MCTP1: variants seen among roughly 807,000 people sequenced by gnomAD.
MCTP1 encodes the protein multiple C2 and transmembrane domain containing 1, also known as multiple C2 and transmembrane domain-containing protein 1.
In MCTP1, 69 loss-of-function variants were observed where a neutral mutation model predicts 120.6. The ratio of observed to expected loss-of-function variants is 0.57; its 90% CI spans 0.47 to 0.70. The LOEUF (loss-of-function observed/expected upper bound fraction) is 0.70. Among genes scored for constraint, MCTP1 ranks in the 30% least tolerant of loss-of-function variants. MCTP1 has a pLI of 0.00. For missense variants in MCTP1, 1,203 were observed against 1,248.8 expected (o/e 0.96, Z 0.55); for synonymous variants, 529 against 493.1 (o/e 1.07, Z -0.96).
At chr5:94,872,715 AAAG>A (rs1181471754) in intron 13 of MCTP1, among the ~76,000 whole-genome samples, 1 of 152,124 alleles carries the variant, frequency 6.6e-6, no homozygotes. Flanking sequence ...GCTAAAATGA[AAAG>A]AACCAAAACT....
chr5:95,196,349 T>C (rs1385797334), intron 1 of MCTP1, among the ~76,000 whole-genome samples: 1 of 152,186 alleles, frequency 6.6e-6, no homozygotes, highest in Non-Finnish European at 1.5e-5. Context: ...TTAAGGTAGG[T>C]GGTCCCAATT....
rs766687641 is a variant in MCTP1, at chr5:95,284,372, C to T, written c.204G>A (p.Pro68=). Residue 68 remains proline, a synonymous_variant, in exon 1 of 23, where the codon CCG becomes CCA. Coordinates refer to ENST00000515393, the MANE Select transcript of MCTP1 (RefSeq NM_024717.7). This position sits in a 1 kb window ranked among gnomAD's most constrained non-coding sequence, Gnocchi z 5.2. ...PPPPVGTGNA[P]ARGSGAGSRW... is the part of the protein sequence containing the mutation. Reference sequence around the variant, plus strand: ...TGCTGCCTGCACCACTCCCCCTGGCCGGTGCATTCCCTGTGCCCACCGGGG... The same window carrying T: ...TGCTGCCTGCACCACTCCCCCTGGCTGGTGCATTCCCTGTGCCCACCGGGG... 1 of 1,595,704 alleles carries T rather than the reference C, an allele frequency of 6.3e-7. No homozygotes were observed. The highest frequency in any genetic ancestry group is 2.2e-5 in the East Asian group (1 of 44,702).
At chr5:94,867,528 A>C in intron 17 of MCTP1, 2 of 530,826 alleles carry the variant, frequency 3.8e-6, no homozygotes, top group South Asian at 5.7e-5. Context: ...ACTGGCAACT[A>C]TAAGGAAGCA....
At chr5:94,800,108 T>C (rs1245890558) in intron 17 of MCTP1, among the ~76,000 whole-genome samples, 1 of 152,104 alleles carries the variant, frequency 6.6e-6, no homozygotes, top group East Asian at 1.9e-4. Context: ...CCCAGTAAAA[T>C]GGGGACGATA....
At chr5:95,158,883 T>C (rs1745416182) in intron 1 of MCTP1, among the ~76,000 whole-genome samples, 1 of 152,134 alleles carries the variant, frequency 6.6e-6, no homozygotes, top group African/African-American at 2.4e-5. Context: ...ATCACACCAC[T>C]GCACTCCAGC....
At chr5:95,175,319 C>T (rs1432615613) in intron 1 of MCTP1, among the ~76,000 whole-genome samples, 1 of 152,182 alleles carries the variant, frequency 6.6e-6, no homozygotes, top group African/African-American at 2.4e-5. Context: ...GAACACTCAA[C>T]TGCCCTTTAG....
At chr5:95,167,233 T>C (rs1451178135) in intron 1 of MCTP1, among the ~76,000 whole-genome samples, 1 of 152,234 alleles carries the variant, frequency 6.6e-6, no homozygotes, top group African/African-American at 2.4e-5. Context: ...ACAAAGGACG[T>C]GAGCTCATCA....
At position 95,216,462 on chromosome 5, in the gene MCTP1, T is replaced by A. The variant is rs2152579238; in HGVS notation, c.720+67394A>T. ...TCCACAGCTACCCGTAGCAAGAATA[T>A]TCTCTTGGCATTTATTCCTCTACAC... On this transcript the variant is annotated intron_variant, in intron 1 of 22. Coordinates refer to ENST00000515393, the MANE Select transcript of MCTP1 (RefSeq NM_024717.7). 1.3e-5 allele frequency among the ~76,000 whole-genome samples: 2 copies of A among 152,302 alleles called. 1 individual carries two copies. Among genetic ancestry groups the A allele is most frequent in the South Asian group, 4.1e-4 (2 of 4,820 alleles).
chr5:95,226,829 A>T (rs531110560), intron 1 of MCTP1, among the ~76,000 whole-genome samples: 3 of 152,246 alleles, frequency 2.0e-5, no homozygotes, highest in South Asian at 2.1e-4. Flanking sequence ...AAAAAAAAAA[A>T]TTTATTTGAG....
chr5:94,859,282 A>T (rs560811269), intron 17 of MCTP1, among the ~76,000 whole-genome samples: 14 of 151,780 alleles, frequency 9.2e-5, no homozygotes, highest in East Asian at 1.9e-4. Context: ...AACTCTATTT[A>T]AAAAAATTTA....
At chr5:95,018,458 TA>T (rs1837550611) in intron 1 of MCTP1, among the ~76,000 whole-genome samples, 1 of 152,046 alleles carries the variant, frequency 6.6e-6, no homozygotes, top group East Asian at 1.9e-4. Flanking sequence ...AAACAATCTT[TA>T]CGGTATATAA....
chr5:95,159,387 T>C (rs1462451109), intron 1 of MCTP1, among the ~76,000 whole-genome samples: 1 of 152,222 alleles, frequency 6.6e-6, no homozygotes, highest in Admixed American at 6.5e-5. Flanking sequence ...CATCCAAACA[T>C]TACACACTTT....
At chr5:95,001,736 A>T (rs575196784) in intron 2 of MCTP1, among the ~76,000 whole-genome samples, 1 of 152,330 alleles carries the variant, frequency 6.6e-6, no homozygotes, top group East Asian at 1.9e-4. Context: ...CAGAGCATAA[A>T]AGTTTGGAAA....
intron 1 of MCTP1, among the ~76,000 whole-genome samples, chr5:95,184,145 T>A (rs1489596578): frequency 6.6e-6 from 1 of 152,012 alleles, no homozygotes; most frequent in East Asian, 1.9e-4. Context: ...ATCCCAGATC[T>A]TAAAGTATAA....
At position 95,284,158 on chromosome 5, in the gene MCTP1, A is replaced by G. The variant is rs1429943919; in HGVS notation, c.418T>C (p.Ser140Pro). The change falls in exon 1 of 23, where the codon TCG becomes CCG. Residue 140 changes from serine (S) to proline (P), a missense_variant. Around this residue, in one of 2 missense-constraint regions of MCTP1, gnomAD observed 463 missense variants for 377.8 expected, o/e 1.23. Transcript: ENST00000515393. The surrounding 1 kb of genome is among the most constrained non-coding windows in gnomAD (Gnocchi z 5.2). Reference sequence around the variant, plus strand: ...GGAGGCGTCCCTCCCGCTGCTCCCGAGGCCGCCGCGGGCCCCTTTACGGCG... The same window carrying G: ...GGAGGCGTCCCTCCCGCTGCTCCCGGGGCCGCCGCGGGCCCCTTTACGGCG... Reference protein sequence around the residue: ...LPAVKGPAAASGAAGGTPPGG... With the variant: ...LPAVKGPAAAPGAAGGTPPGG... 2 of 1,565,290 alleles carry G rather than the reference A, an allele frequency of 1.3e-6. No homozygotes were observed. Among genetic ancestry groups the G allele is most frequent in the Admixed American group, 1.9e-5 (1 of 53,560 alleles).
intron 19 of MCTP1, among the ~76,000 whole-genome samples, chr5:94,759,942 G>C (rs1452433095): frequency 7.2e-6 from 1 of 139,094 alleles, no homozygotes; most frequent in Non-Finnish European, 1.5e-5. Flanking sequence ...GACAGAGCTG[G>C]AATACTTAGC....
chr5:95,001,578 C>T (rs906492978), intron 2 of MCTP1, among the ~76,000 whole-genome samples: 4 of 152,166 alleles, frequency 2.6e-5, no homozygotes, highest in African/African-American at 9.7e-5. Flanking sequence ...TGGGAACCAG[C>T]ATAAAGGTGA....
Position 94,870,806 on chromosome 5 carries a change from C to G in MCTP1, c.2241+66G>C, listed in dbSNP as rs1245786744. ...GGAATGACAGAAATTCTCTACAAAT[C>G]AGGAACAAAAGCTTTCATGAAACTG... is the stretch of plus-strand genomic sequence containing the variant. On this transcript the variant is annotated intron_variant, in intron 15 of 22. Coordinates refer to ENST00000515393, the MANE Select transcript of MCTP1 (RefSeq NM_024717.7). 3.6e-6 allele frequency: 4 copies of G among 1,113,330 alleles called. No homozygotes were observed. The African/African-American group carries it at 6.2e-5, about 17-fold the overall frequency. The allele number at this position is 1,113,330 out of a possible 1,614,324, so 69.0% of individuals were successfully genotyped here. A position where few individuals can be genotyped will look rare whatever the true frequency, so the allele number is the denominator to read the frequency against.
At chr5:94,979,812 G>C (rs930675620) in intron 2 of MCTP1, among the ~76,000 whole-genome samples, 6 of 151,948 alleles carry the variant, frequency 3.9e-5, no homozygotes, top group African/African-American at 1.5e-4. Context: ...CATAATAAGA[G>C]CAAGAAAAAC....
Sources: allele counts gnomAD v4.1 joint callset (sites outside exome capture counted in the v4.1 genomes callset), GRCh38; gene constraint gnomAD v4.1.1; regional missense constraint gnomAD v4.1.1; non-coding constraint Gnocchi (gnomAD v3.1); transcripts MANE v1.5; gene names NCBI Gene and HGNC (gene_info 2026-07-23, HGNC 2026-07-21).